PTPRK: variants seen among roughly 807,000 people sequenced by gnomAD.
The protein encoded by PTPRK is protein tyrosine phosphatase receptor type K.
In PTPRK, 75 loss-of-function variants were observed where a neutral mutation model predicts 178.0. The observed-to-expected ratio is 0.42, with a 90% confidence interval of 0.35 to 0.51. PTPRK has a LOEUF of 0.51. Ranked by LOEUF, PTPRK falls within the 20% of genes least tolerant of loss-of-function variation. PTPRK has a pLI of 0.02. For missense variants in PTPRK, 1,441 were observed against 1,797.8 expected (o/e 0.80, Z 3.59); for synonymous variants, 637 against 620.6 (o/e 1.03, Z -0.39).
Position 128,101,930 on chromosome 6 carries a change from A to G in PTPRK, c.1163-11938T>C, listed in dbSNP as rs183803843. On this transcript the variant is annotated intron_variant, in intron 7 of 29. Coordinates refer to ENST00000368226, the MANE Select transcript of PTPRK (RefSeq NM_002844.4). ...CTATTCTTTCAGTGACAGCTTGGTC[A>G]GGAAGTCTGACAAAGTAACAATGTG... Among the ~76,000 whole-genome samples the G allele has an allele frequency of 2.1e-3, 314 of 152,288 alleles. 1 individual carries two copies. Among genetic ancestry groups the G allele is most frequent in the Middle Eastern group, 3.4e-3 (1 of 294 alleles).
rs556501263 is a variant in PTPRK, at chr6:128,445,176, A to G, written c.101-47488T>C. 1.6e-3 allele frequency among the ~76,000 whole-genome samples: 242 copies of G among 147,932 alleles called. 1 individual carries two copies. The highest frequency in any genetic ancestry group is 5.7e-3 in the African/African-American group (232 of 40,472). On this transcript the variant is annotated intron_variant, in intron 1 of 29. Transcript: ENST00000368226. ...TGGAGACCAGCTGAGCAAAATAGCA[A>G]GACCCCCAACTCTACTATTTTATTT...
intron 6 of PTPRK, among the ~76,000 whole-genome samples, chr6:128,218,174 T>C (rs913953925): frequency 1.3e-5 from 2 of 152,200 alleles, no homozygotes; most frequent in African/African-American, 4.8e-5. Flanking sequence ...CCTGTCTATA[T>C]AGTCTGCCTA....
chr6:128,285,806 A>C (rs1822405238), intron 3 of PTPRK, among the ~76,000 whole-genome samples: 1 of 151,296 alleles, frequency 6.6e-6, no homozygotes, highest in Non-Finnish European at 1.5e-5. Context: ...TCTCAAAAAA[A>C]AGTCTCCAAA....
At chr6:128,381,305 A>G (rs1837880275) in intron 2 of PTPRK, among the ~76,000 whole-genome samples, 1 of 152,216 alleles carries the variant, frequency 6.6e-6, no homozygotes, top group African/African-American at 2.4e-5. Context: ...AACTATTTCC[A>G]TACCTCATTA....
chr6:128,237,910 A>C, intron 5 of PTPRK: 3 of 334,330 alleles, frequency 9.0e-6, no homozygotes, highest in South Asian at 7.7e-5. Flanking sequence ...ATAGATAATG[A>C]TCAATCTTAT....
intron 1 of PTPRK, among the ~76,000 whole-genome samples, chr6:128,494,029 T>C (rs1453841380): frequency 2.0e-5 from 3 of 152,104 alleles, no homozygotes; most frequent in Non-Finnish European, 4.4e-5. Context: ...TGGTTAACGT[T>C]AAATATAGAC....
intron 3 of PTPRK, among the ~76,000 whole-genome samples, chr6:128,311,269 G>A (rs893863475): frequency 6.6e-6 from 1 of 152,240 alleles, no homozygotes; most frequent in South Asian, 2.1e-4. Flanking sequence ...GGCTTGAATC[G>A]TACAGTGTGT....
intron 13 of PTPRK, among the ~76,000 whole-genome samples, chr6:128,026,378 A>T (rs1582575854): frequency 6.6e-6 from 1 of 152,202 alleles, no homozygotes; most frequent in African/African-American, 2.4e-5. Flanking sequence ...CAGTTGTAAT[A>T]GCTACTTCCC....
intron 3 of PTPRK, among the ~76,000 whole-genome samples, chr6:128,309,710 C>A (rs1196238214): frequency 6.6e-6 from 1 of 152,078 alleles, no homozygotes; most frequent in Non-Finnish European, 1.5e-5. Flanking sequence ...ATAAGAAGTA[C>A]AAATGTCATT....
intron 7 of PTPRK, among the ~76,000 whole-genome samples, chr6:128,167,873 C>T (rs1799646171): frequency 6.6e-6 from 1 of 152,002 alleles, no homozygotes; most frequent in South Asian, 2.1e-4. Flanking sequence ...ACTTCCTGCA[C>T]CTGACCTAGT....
At chr6:128,146,825 A>G (rs902413993) in intron 7 of PTPRK, among the ~76,000 whole-genome samples, 21 of 152,298 alleles carry the variant, frequency 1.4e-4, no homozygotes, top group African/African-American at 5.1e-4. Flanking sequence ...ATAAGACACC[A>G]TGTCAAGGTA....
chr6:128,318,642 G>T (rs1377939303), intron 3 of PTPRK, among the ~76,000 whole-genome samples: 1 of 152,130 alleles, frequency 6.6e-6, no homozygotes, highest in Non-Finnish European at 1.5e-5. Context: ...TAATAGTTTT[G>T]CAAGTTACAT....
At chr6:128,033,072 G>C (rs866156268) in intron 13 of PTPRK, among the ~76,000 whole-genome samples, 1 of 152,152 alleles carries the variant, frequency 6.6e-6, no homozygotes, top group African/African-American at 2.4e-5. Flanking sequence ...GGGCTCTTTG[G>C]GAAGTTGGTA....
chr6:128,085,052 G>C (rs1050412919), intron 8 of PTPRK: 1 of 152,122 alleles, frequency 6.6e-6, no homozygotes, highest in South Asian at 2.1e-4. Context: ...GATATCTCAC[G>C]AGAGCAGGAT....
chr6:128,491,919 C>T (rs1473255022), intron 1 of PTPRK: 1 of 453,198 alleles, frequency 2.2e-6, no homozygotes, highest in Non-Finnish European at 4.4e-6. Context: ...GGCAATGAAA[C>T]TTCCCCTGGG....
intron 1 of PTPRK, among the ~76,000 whole-genome samples, chr6:128,462,610 A>G (rs1849203478): frequency 6.6e-6 from 1 of 150,794 alleles, no homozygotes; most frequent in South Asian, 2.1e-4. Context: ...GCTATCTGGG[A>G]AAAAAGTAGG....
chr6:128,067,657 T>C lies in PTPRK; in HGVS notation c.2019A>G (p.Glu673=). The change falls in exon 12 of 30, where the codon GAA becomes GAG. Residue 673 remains glutamate, a synonymous_variant. Transcript: ENST00000368226. ...GCTCAGGTAGGTTTCCCGGGGGGAG[T>C]TCTGCAGCAAAGTAATACGGTGCAC... The part of the protein sequence containing the change: ...SGGAPYYFAA[E]LPPGNLPEPA... The C allele has an allele frequency of 6.2e-7, 1 of 1,612,516 alleles. No homozygotes were observed. Among genetic ancestry groups the C allele is most frequent in the Non-Finnish European group, 8.5e-7 (1 of 1,179,416 alleles).
intron 2 of PTPRK, among the ~76,000 whole-genome samples, chr6:128,365,331 T>A (rs1835335970): frequency 6.6e-6 from 1 of 152,222 alleles, no homozygotes; most frequent in Non-Finnish European, 1.5e-5. Flanking sequence ...AGTTTAAAAG[T>A]CATTTCTGAG....
chr6:128,243,916 GAA>G (rs1200854761), intron 3 of PTPRK, among the ~76,000 whole-genome samples: 1 of 152,182 alleles, frequency 6.6e-6, no homozygotes, highest in African/African-American at 2.4e-5. Flanking sequence ...GCTATAAAGT[GAA>G]AGATGATATG....
Sources: gnomAD v4.1 joint callset for allele counts (sites outside exome capture counted in the v4.1 genomes callset) on GRCh38, gnomAD v4.1.1 for gene constraint, MANE v1.5 for transcripts, NCBI Gene and HGNC (gene_info 2026-07-23, HGNC 2026-07-21) for gene names.